R3HDM1: variants seen among roughly 807,000 people sequenced by gnomAD.
The protein encoded by R3HDM1 is R3H domain containing 1.
Under a neutral mutation model 141.1 loss-of-function variants are expected in R3HDM1, and 46 were observed. That is an observed-to-expected ratio of 0.33 (90% CI 0.26 to 0.42). The LOEUF is 0.42. Among genes scored for constraint, R3HDM1 ranks in the 10% least tolerant of loss-of-function variants. The pLI is 1.00. For missense variants in R3HDM1, 1,184 were observed against 1,368.3 expected, an observed-to-expected ratio of 0.87 and a Z score of 2.12; for synonymous variants, 435 against 472.9, an observed-to-expected ratio of 0.92 and a Z score of 1.04.
chr2:135,553,981 C>T (rs563365940), intron 1 of R3HDM1, among the ~76,000 whole-genome samples: 354 of 152,380 alleles, frequency 2.3e-3, no homozygotes, highest in African/African-American at 5.9e-3. Flanking sequence ...TGAGCCACGA[C>T]GCTCAGCCTC....
At chr2:135,690,397 C>T (rs191730701) in intron 21 of R3HDM1, among the ~76,000 whole-genome samples, 1 of 152,134 alleles carries the variant, frequency 6.6e-6, no homozygotes, top group Admixed American at 6.5e-5. Context: ...TTTGATTTTG[C>T]AAGATAAGTT....
At chr2:135,697,415 T>C (rs1038518264) in intron 21 of R3HDM1, among the ~76,000 whole-genome samples, 5 of 152,212 alleles carry the variant, frequency 3.3e-5, no homozygotes, top group Admixed American at 2.6e-4. Context: ...TACCAGCATC[T>C]GCCTTAAAAA....
chr2:135,611,760 C>A (rs1185151028), intron 3 of R3HDM1, among the ~76,000 whole-genome samples: 1 of 152,148 alleles, frequency 6.6e-6, no homozygotes, highest in Non-Finnish European at 1.5e-5. Context: ...ACTCTTTCTA[C>A]TGAACTTGGG....
intron 4 of R3HDM1, 130 bp downstream of exon 4, chr2:135,616,323 G>T: frequency 1.0e-6 from 1 of 960,686 alleles, no homozygotes; most frequent in East Asian, 2.8e-5. Context: ...AGCTTATTTT[G>T]TTTTATTTGG....
intron 3 of R3HDM1, chr2:135,607,891 C>A (rs890991750): frequency 5.1e-6 from 5 of 981,950 alleles, no homozygotes; most frequent in Non-Finnish European, 6.0e-6. Context: ...TGGGTATGGT[C>A]TTTGACCTCT....
At chr2:135,596,688 A>G (rs1055743813) in intron 1 of R3HDM1, among the ~76,000 whole-genome samples, 2 of 152,078 alleles carry the variant, frequency 1.3e-5, no homozygotes, top group African/African-American at 2.4e-5. Flanking sequence ...TCTTCTTTGG[A>G]CTTATATTTG....
At chr2:135,561,016 A>T (rs1183293840) in intron 1 of R3HDM1, among the ~76,000 whole-genome samples, 2 of 152,358 alleles carry the variant, frequency 1.3e-5, no homozygotes, top group East Asian at 3.9e-4. Context: ...TGTGCTTGTC[A>T]CCTGAGTGGT....
At chr2:135,539,918 A>T (rs113085911) in intron 1 of R3HDM1, among the ~76,000 whole-genome samples, 35 of 152,122 alleles carry the variant, frequency 2.3e-4, no homozygotes, top group Non-Finnish European at 5.0e-4. Flanking sequence ...AATGAAAACA[A>T]TGTCCACGTT....
chr2:135,674,520 C>G (rs1024447135), intron 19 of R3HDM1, among the ~76,000 whole-genome samples: 1 of 152,122 alleles, frequency 6.6e-6, no homozygotes, highest in Non-Finnish European at 1.5e-5. Context: ...CTAAAAGAAT[C>G]CTCTTAGGAT....
intron 1 of R3HDM1, among the ~76,000 whole-genome samples, chr2:135,569,856 A>C (rs920042782): frequency 3.3e-5 from 5 of 151,884 alleles, no homozygotes; most frequent in Non-Finnish European, 7.4e-5. Flanking sequence ...CCTCCCGAGT[A>C]GCTGGGACTA....
intron 1 of R3HDM1, among the ~76,000 whole-genome samples, chr2:135,553,789 C>G (rs1461083565): frequency 6.6e-6 from 1 of 152,194 alleles, no homozygotes; most frequent in African/African-American, 2.4e-5. Flanking sequence ...CCTCCCGGGT[C>G]AAGCTATTCT....
chr2:135,639,902 C>T (rs2063612713), intron 14 of R3HDM1, among the ~76,000 whole-genome samples: 1 of 152,044 alleles, frequency 6.6e-6, no homozygotes, highest in Non-Finnish European at 1.5e-5. Context: ...TTCAAGACCA[C>T]CCTGGCCAAC....
chr2:135,556,020 G>T (rs1016037694), intron 1 of R3HDM1, among the ~76,000 whole-genome samples: 4 of 152,002 alleles, frequency 2.6e-5, no homozygotes, highest in African/African-American at 9.7e-5. Flanking sequence ...TGTCCCAAGT[G>T]GGGGGATGGG....
chr2:135,584,167 A>G (rs1707371089), intron 1 of R3HDM1: 1 of 643,110 alleles, frequency 1.6e-6, no homozygotes. Flanking sequence ...ATCTCTAATA[A>G]AAATATAAAT....
chr2:135,715,538 T>C lies in R3HDM1; in HGVS notation c.2737-12T>C. The C allele has an allele frequency of 6.2e-7, 1 of 1,607,290 alleles. No individual in the cohort carries two copies. Among genetic ancestry groups the C allele is most frequent in the South Asian group, 1.1e-5 (1 of 89,662 alleles). ...AATGCTGACCCATTTTCTTGACGTA[T>C]TGTAATTGCAGCACAGCCCTCAACT... is the stretch of plus-strand genomic sequence containing the variant. On this transcript the variant is annotated splice_polypyrimidine_tract_variant and intron_variant, in intron 23 of 26. Coordinates refer to ENST00000683871, the MANE Select transcript of R3HDM1 (RefSeq NM_001378107.1).
intron 1 of R3HDM1, among the ~76,000 whole-genome samples, chr2:135,579,753 C>G (rs748273139): frequency 1.1e-4 from 16 of 152,120 alleles, no homozygotes; most frequent in Non-Finnish European, 1.8e-4. Context: ...TCAGTCTAAT[C>G]ATGAAACTGG....
intron 11 of R3HDM1, 128 bp downstream of exon 11, chr2:135,636,311 T>C (rs1377382563): frequency 7.2e-7 from 1 of 1,395,680 alleles, no homozygotes; most frequent in Non-Finnish European, 9.4e-7. Flanking sequence ...AGGTCATCTT[T>C]TAGAAATATT....
At chr2:135,575,943 G>A (rs1470386135) in intron 1 of R3HDM1, among the ~76,000 whole-genome samples, 1 of 152,082 alleles carries the variant, frequency 6.6e-6, no homozygotes, top group African/African-American at 2.4e-5. Context: ...GAAGAAACTG[G>A]AAAAGAAAAA....
intron 21 of R3HDM1, among the ~76,000 whole-genome samples, chr2:135,707,429 A>C (rs1259383611): frequency 6.6e-6 from 1 of 152,228 alleles, no homozygotes; most frequent in Non-Finnish European, 1.5e-5. Flanking sequence ...CCTGGAACTC[A>C]TTTACATAAT....
Sources: allele counts gnomAD v4.1 joint callset (sites outside exome capture counted in the v4.1 genomes callset), GRCh38; gene constraint gnomAD v4.1.1; transcripts MANE v1.5; gene names NCBI Gene and HGNC (gene_info 2026-07-23, HGNC 2026-07-21).